The following PROS1 variants were observed in gnomAD, a reference collection of about 807,000 sequenced individuals.
PROS1 encodes the protein protein S.
A neutral mutation model predicts 75.9 loss-of-function variants in PROS1; 29 were observed. The observed-to-expected ratio is 0.38, with a 90% CI of 0.28 to 0.52. The LOEUF (loss-of-function observed/expected upper bound fraction) is 0.52. PROS1 is among the 20% of genes least tolerant of loss of function. The pLI is 0.83. For missense variants in PROS1, 680 were observed against 810.3 expected, an observed-to-expected ratio of 0.84 and a Z score of 1.95; for synonymous variants, 245 against 280.6, an observed-to-expected ratio of 0.87 and a Z score of 1.27.
intron 1 of PROS1, among the ~76,000 whole-genome samples, chr3:93,953,964 C>T (rs1709554994): frequency 6.6e-6 from 1 of 152,066 alleles, no homozygotes; most frequent in Non-Finnish European, 1.5e-5. Flanking sequence ...GAGTGAACTC[C>T]CATTCACAAT....
intron 7 of PROS1, among the ~76,000 whole-genome samples, chr3:93,899,673 C>G (rs922689237): frequency 6.6e-6 from 1 of 152,024 alleles, no homozygotes; most frequent in Admixed American, 6.6e-5. Flanking sequence ...ATCAAAATCT[C>G]AAAAGCAGCA....
chr3:93,877,242 G>A (rs1239981551), intron 13 of PROS1, 51 bp from the exon 14 acceptor site: 3 of 1,378,922 alleles, frequency 2.2e-6, no homozygotes, highest in Non-Finnish European at 3.1e-6. Context: ...GAGTAATGCT[G>A]CTTAAGAGTG....
chr3:93,879,074 A>G (rs1708237621), intron 13 of PROS1, 89 bp downstream of exon 13: 1 of 1,304,084 alleles, frequency 7.7e-7, no homozygotes, highest in Admixed American at 2.1e-5. Context: ...TTAATCTTCA[A>G]AATAGTCCTT....
Position 93,874,060 on chromosome 3 carries a change from T to A in PROS1, c.*185A>T, listed in dbSNP as rs1159996042. The A allele has an allele frequency of 4.5e-6, 3 of 670,264 alleles. No homozygotes were observed. Among genetic ancestry groups the A allele is most frequent in the Non-Finnish European group, 7.2e-6 (3 of 415,346 alleles). 41.5% of individuals were successfully genotyped at this position (670,264 alleles called of 1,614,324 possible). A position where few individuals can be genotyped will look rare whatever the true frequency, so the allele number is the denominator to read the frequency against. ...TCTTAGATAGCAAGAGAAGTAAGAA[T>A]TTCTTTACTGTGATTTATATCACAA... On this transcript the variant is annotated 3_prime_UTR_variant, in exon 15 of 15. Transcript: ENST00000394236.
intron 1 of PROS1, among the ~76,000 whole-genome samples, chr3:93,927,869 A>G (rs1409328047): frequency 7.2e-6 from 1 of 139,710 alleles, no homozygotes; most frequent in African/African-American, 2.6e-5. Context: ...ATATATATAT[A>G]TATATGTGTG....
At chr3:93,961,703 T>C (rs1260778745) in intron 1 of PROS1, among the ~76,000 whole-genome samples, 1 of 152,216 alleles carries the variant, frequency 6.6e-6, no homozygotes, top group East Asian at 1.9e-4. Context: ...CAAAAAGAGA[T>C]AGCATAATTT....
chr3:93,967,873 C>T (rs971084646), intron 1 of PROS1: 2 of 152,072 alleles, frequency 1.3e-5, no homozygotes, highest in Admixed American at 6.6e-5. Flanking sequence ...GCCCATGCAA[C>T]AGAATGAGGC....
intron 9 of PROS1, among the ~76,000 whole-genome samples, chr3:93,894,865 G>T (rs1333772770): frequency 6.6e-6 from 1 of 152,016 alleles, no homozygotes; most frequent in African/African-American, 2.4e-5. Context: ...ATATTTCAAT[G>T]AAAAGTTTAA....
rs189385162 is a variant in PROS1, at chr3:93,892,071, T to C, written c.1155+862A>G. ...CCAGCCGGGTGTGGTTGCTCACTCTTGTAATCCCAGCACTTTGGGAGGCCG... is the reference window on the plus strand; with the variant it reads ...CCAGCCGGGTGTGGTTGCTCACTCTCGTAATCCCAGCACTTTGGGAGGCCG... On this transcript the variant is annotated intron_variant, in intron 10 of 14. Transcript: ENST00000394236. 6.6e-5 allele frequency among the ~76,000 whole-genome samples: 10 copies of C among 152,324 alleles called. No homozygotes were observed. The East Asian group carries it at 1.9e-3, about 29-fold the overall frequency.
chr3:93,960,739 T>C (rs969848897), intron 1 of PROS1, among the ~76,000 whole-genome samples: 2 of 151,934 alleles, frequency 1.3e-5, no homozygotes, highest in African/African-American at 2.4e-5. Flanking sequence ...TATCACTTCA[T>C]AGACCATCTT....
At chr3:93,913,538 T>C (rs1292586154) in intron 3 of PROS1, among the ~76,000 whole-genome samples, 2 of 152,166 alleles carry the variant, frequency 1.3e-5, no homozygotes, top group African/African-American at 2.4e-5. Context: ...ACATTATAAA[T>C]TACCCAGTCT....
intron 10 of PROS1, among the ~76,000 whole-genome samples, chr3:93,890,734 C>T (rs1708419866): frequency 6.6e-6 from 1 of 152,200 alleles, no homozygotes; most frequent in South Asian, 2.1e-4. Context: ...TCACTAAAAG[C>T]TTACTGAATA....
chr3:93,905,651 C>T (rs1165728072), intron 6 of PROS1, 133 bp downstream of exon 6: 19 of 963,508 alleles, frequency 2.0e-5, no homozygotes, highest in East Asian at 7.9e-5. Flanking sequence ...TATCACAAGG[C>T]TTCAATGTCG....
intron 1 of PROS1, among the ~76,000 whole-genome samples, chr3:93,953,321 A>T (rs1437229019): frequency 6.6e-6 from 1 of 152,204 alleles, no homozygotes; most frequent in Middle Eastern, 3.2e-3. Context: ...ATTGATGCAA[A>T]AATCCTCAAT....
At chr3:93,948,053 A>C (rs1413282482) in intron 1 of PROS1, among the ~76,000 whole-genome samples, 3 of 152,192 alleles carry the variant, frequency 2.0e-5, no homozygotes, top group Admixed American at 6.5e-5. Context: ...ACAAAAGCAA[A>C]AGAACCCATG....
rs1304225620 is a variant in PROS1, at chr3:93,927,993, G to GTGTATATATATA, written c.77-587_77-586insTATATATATACA. Among the ~76,000 whole-genome samples, 244 of 25,596 alleles carry GTGTATATATATA rather than the reference G, an allele frequency of 9.5e-3. 14 individuals carry two copies. The highest frequency in any genetic ancestry group is 0.036 in the Middle Eastern group (1 of 28). 16.8% of individuals were successfully genotyped at this position (25,596 alleles called of 152,430 possible). On this transcript the variant is annotated intron_variant, in intron 1 of 14. Transcript: ENST00000394236. Reference sequence around the variant, plus strand: ...TGTGTGTATATATATGTGTGTGTGTGTATATATATATATATATATTTTTTT... The same window carrying GTGTATATATATA: ...TGTGTGTATATATATGTGTGTGTGTGTGTATATATATATATATATATATATATATATTTTTTT...
At chr3:93,945,027 T>TGGTATGGC (rs1243242417) in intron 1 of PROS1, among the ~76,000 whole-genome samples, 2 of 152,092 alleles carry the variant, frequency 1.3e-5, no homozygotes, top group African/African-American at 4.8e-5. Context: ...CATCAGAGAA[T>TGGTATGGC]ACTATGAACA....
At chr3:93,951,122 G>T (rs774605032) in intron 1 of PROS1, among the ~76,000 whole-genome samples, 1 of 152,154 alleles carries the variant, frequency 6.6e-6, no homozygotes, top group Admixed American at 6.5e-5. Flanking sequence ...TGTCTGATTG[G>T]TGTACCTGAA....
chr3:93,968,798 G>A (rs1404802752), intron 1 of PROS1, among the ~76,000 whole-genome samples: 1 of 151,954 alleles, frequency 6.6e-6, no homozygotes, highest in Non-Finnish European at 1.5e-5. Flanking sequence ...AAATAGTGTT[G>A]TTGCCACATA....
Sources: allele counts gnomAD v4.1 joint callset (sites outside exome capture counted in the v4.1 genomes callset), GRCh38; gene constraint gnomAD v4.1.1; transcripts MANE v1.5; gene names NCBI Gene and HGNC (gene_info 2026-07-23, HGNC 2026-07-21).